Variants in ROBO2 observed in about 807,000 individuals in gnomAD.
The protein encoded by ROBO2 is roundabout homolog 2.
A neutral mutation model predicts 160.8 loss-of-function variants in ROBO2; 53 were observed. That is an observed-to-expected ratio of 0.33 (90% CI 0.26 to 0.41). The LOEUF (loss-of-function observed/expected upper bound fraction) is 0.41. Among genes scored for constraint, ROBO2 ranks in the 10% least tolerant of loss-of-function variants. ROBO2 has a pLI of 1.00. For missense variants in ROBO2, 1,577 were observed against 1,722.4 expected, an observed-to-expected ratio of 0.92 and a Z score of 1.49; for synonymous variants, 664 against 611.7, an observed-to-expected ratio of 1.09 and a Z score of -1.26.
At chr3:76,277,557 G>A (rs1707999231) in intron 2 of ROBO2, among the ~76,000 whole-genome samples, 1 of 151,732 alleles carries the variant, frequency 6.6e-6, no homozygotes, top group Non-Finnish European at 1.5e-5. Flanking sequence ...GCAAGGAGGG[G>A]GCAAAATCAT....
At chr3:76,784,505 T>C (rs1323068957) in intron 2 of ROBO2, among the ~76,000 whole-genome samples, 1 of 151,146 alleles carries the variant, frequency 6.6e-6, no homozygotes, top group Non-Finnish European at 1.5e-5. Context: ...GTTAAGCTGG[T>C]TGCTGAGATC....
intron 2 of ROBO2, among the ~76,000 whole-genome samples, chr3:77,243,970 T>G (rs2089387716): frequency 6.6e-6 from 1 of 152,188 alleles, no homozygotes; most frequent in African/African-American, 2.4e-5. Flanking sequence ...TTTTTCATAG[T>G]ATAGGATGTA....
chr3:77,249,550 T>G (rs2090115255), intron 2 of ROBO2, among the ~76,000 whole-genome samples: 1 of 152,126 alleles, frequency 6.6e-6, no homozygotes, highest in African/African-American at 2.4e-5. Context: ...TTGCAAGAGA[T>G]AATTAGTTTC....
intron 2 of ROBO2, among the ~76,000 whole-genome samples, chr3:76,930,453 AT>A (rs2077265547): frequency 6.6e-6 from 1 of 151,712 alleles, no homozygotes; most frequent in African/African-American, 2.4e-5. Context: ...CTTCCTATTC[AT>A]TTTCCCTACT....
At chr3:75,957,987 A>C (rs1322625431) in intron 2 of ROBO2, among the ~76,000 whole-genome samples, 1 of 151,728 alleles carries the variant, frequency 6.6e-6, no homozygotes, top group African/African-American at 2.4e-5. Context: ...TGTTAGAAAT[A>C]TAATAATTTT....
chr3:77,487,929 A>G (rs999033978), intron 4 of ROBO2, among the ~76,000 whole-genome samples: 2 of 152,174 alleles, frequency 1.3e-5, no homozygotes, highest in Admixed American at 1.3e-4. Flanking sequence ...ATGACTGAAT[A>G]CAGTTAAAAA....
chr3:77,361,362 T>C (rs1462519286), intron 2 of ROBO2, among the ~76,000 whole-genome samples: 1 of 152,188 alleles, frequency 6.6e-6, no homozygotes, highest in African/African-American at 2.4e-5. Context: ...TATTTATTTG[T>C]ATATTTATTT....
intron 2 of ROBO2, among the ~76,000 whole-genome samples, chr3:76,757,485 T>G (rs914781843): frequency 3.4e-4 from 51 of 151,862 alleles, no homozygotes; most frequent in Admixed American, 3.3e-3. Flanking sequence ...GATGAGTTGA[T>G]GCTTGCTAGG....
At chr3:76,873,641 G>C (rs2072375622) in intron 2 of ROBO2, among the ~76,000 whole-genome samples, 1 of 152,022 alleles carries the variant, frequency 6.6e-6, no homozygotes, top group Non-Finnish European at 1.5e-5. Context: ...ATGTTGCCCA[G>C]GATGGTCTCA....
chr3:77,046,551 A>G (rs1027085819), intron 1 of ROBO2, among the ~76,000 whole-genome samples: 1 of 152,196 alleles, frequency 6.6e-6, no homozygotes, highest in Non-Finnish European at 1.5e-5. Context: ...GGTTGGGCAC[A>G]TGGAGAACTG....
At chr3:75,986,101 T>A (rs1049766692) in intron 2 of ROBO2, among the ~76,000 whole-genome samples, 1 of 151,700 alleles carries the variant, frequency 6.6e-6, no homozygotes, top group Non-Finnish European at 1.5e-5. Flanking sequence ...TTTTAATCTT[T>A]TAAAGAACTG....
At chr3:77,106,697 G>T (rs930823149) in intron 2 of ROBO2, among the ~76,000 whole-genome samples, 2 of 152,164 alleles carry the variant, frequency 1.3e-5, no homozygotes, top group African/African-American at 4.8e-5. Flanking sequence ...AAGGGATGAG[G>T]TTCAATAGTA....
chr3:75,993,423 C>T (rs776620883), intron 2 of ROBO2, among the ~76,000 whole-genome samples: 1 of 152,150 alleles, frequency 6.6e-6, no homozygotes, highest in Non-Finnish European at 1.5e-5. Context: ...TTGACTTACC[C>T]TGCTTTCCTT....
intron 20 of ROBO2, 128 bp from the exon 22 acceptor site, chr3:77,607,670 G>A: frequency 1.2e-6 from 1 of 841,516 alleles, no homozygotes; most frequent in Admixed American, 2.2e-5. Context: ...TCATTTCATT[G>A]TTTATAGCTT....
exon 1 of ROBO2, chr3:77,040,845 T>C (rs1008045427): frequency 1.2e-6 from 2 of 1,614,144 alleles, no homozygotes; most frequent in East Asian, 4.5e-5. Flanking sequence ...TTCGGGTTGA[T>C]GGTAAGTTAA....
rs182815445 is a variant in ROBO2, at chr3:75,957,388, T to A, written c.109+19786T>A. ...AAAGGCCTAAAATATAACTCATTTT[T>A]AAAATGATTTTCTCTTAATTTTTAA... On this transcript the variant is annotated intron_variant, in intron 2 of 26. Coordinates refer to the ROBO2 transcript ENST00000487694. 2.4e-3 allele frequency among the ~76,000 whole-genome samples: 362 copies of A among 151,868 alleles called. 2 individuals are homozygous for A. Among genetic ancestry groups the A allele is most frequent in the African/African-American group, 8.3e-3 (345 of 41,502 alleles).
chr3:76,474,621 C>T (rs2078833943), intron 2 of ROBO2, among the ~76,000 whole-genome samples: 1 of 152,014 alleles, frequency 6.6e-6, no homozygotes, highest in Admixed American at 6.6e-5. Flanking sequence ...AGTGACTGTG[C>T]CATAAAAACT....
At position 77,643,587 on chromosome 3, in the gene ROBO2, G is replaced by T. The variant is rs187758770; in HGVS notation, c.3935-1117G>T. 2.0e-3 allele frequency among the ~76,000 whole-genome samples: 297 copies of T among 152,164 alleles called. 2 individuals are homozygous for T. The highest frequency in any genetic ancestry group is 5.9e-3 in the African/African-American group (245 of 41,496). ...TTTTTTGGGGGGAGAGGTGTGGCGC[G>T]GGAGGTGGGGAGCCTGCTTTATAAA... is the stretch of plus-strand genomic sequence containing the variant. On this transcript the variant is annotated intron_variant, in intron 24 of 25. Coordinates refer to ENST00000461745, the Ensembl canonical transcript of ROBO2.
chr3:76,595,850 T>C (rs192395517), intron 2 of ROBO2, among the ~76,000 whole-genome samples: 74 of 152,140 alleles, frequency 4.9e-4, no homozygotes, highest in African/African-American at 1.6e-3. Flanking sequence ...ATTTGGACAA[T>C]CCACTTGAAA....
Sources: allele counts gnomAD v4.1 joint callset (sites outside exome capture counted in the v4.1 genomes callset), GRCh38; gene constraint gnomAD v4.1.1; transcripts MANE v1.5; gene names NCBI Gene and HGNC (gene_info 2026-07-23, HGNC 2026-07-21).